SHISA9: variants seen among roughly 807,000 people sequenced by gnomAD.
SHISA9 encodes shisa family member 9.
In SHISA9, 13 loss-of-function variants were observed where a neutral mutation model predicts 38.0. That is an observed-to-expected ratio of 0.34 (90% CI 0.22 to 0.54). The LOEUF (loss-of-function observed/expected upper bound fraction) is 0.54, where lower values mean the gene tolerates loss of function less well. Among genes scored for constraint, SHISA9 ranks in the 20% least tolerant of loss-of-function variants. The probability of loss-of-function intolerance (pLI) is 0.91; values close to 1 mark genes in which losing one functional copy is unlikely to be tolerated. For synonymous variants in SHISA9, 275 were observed against 242.0 expected (o/e 1.14, Z -1.27); for missense variants, 538 against 575.8 (o/e 0.93, Z 0.67).
At chr16:13,021,265 T>C (rs2072850553) in intron 2 of SHISA9, among the ~76,000 whole-genome samples, 1 of 152,122 alleles carries the variant, frequency 6.6e-6, no homozygotes, top group Admixed American at 6.5e-5. Context: ...TGGCATCTAG[T>C]GAGTAAAGGC....
At chr16:13,161,807 T>A (rs2050597429) in intron 2 of SHISA9, among the ~76,000 whole-genome samples, 1 of 152,228 alleles carries the variant, frequency 6.6e-6, no homozygotes, top group African/African-American at 2.4e-5. Flanking sequence ...CCCTCGTTTT[T>A]TTTTCCTCTA....
At chr16:13,497,556 A>G in the SHISA9 span, among the ~76,000 whole-genome samples, 2 of 151,930 alleles carry the variant, frequency 1.3e-5, no homozygotes, top group African/African-American at 2.4e-5. Flanking sequence ...ATGGTGGCGC[A>G]TGCCTGTAGT....
chr16:13,384,312 G>A, the SHISA9 span, among the ~76,000 whole-genome samples: 3 of 152,200 alleles, frequency 2.0e-5, no homozygotes, highest in South Asian at 2.1e-4. Flanking sequence ...GGCAGTTAAT[G>A]TTGGGTGGTG....
At chr16:13,257,569 C>A in the SHISA9 span, among the ~76,000 whole-genome samples, 1 of 152,110 alleles carries the variant, frequency 6.6e-6, no homozygotes, top group East Asian at 1.9e-4. Context: ...TTTTGATCAC[C>A]CCCTTTTGTA....
chr16:13,275,069 G>C, the SHISA9 span, among the ~76,000 whole-genome samples: 2 of 152,118 alleles, frequency 1.3e-5, no homozygotes, highest in Non-Finnish European at 2.9e-5. Flanking sequence ...GAAGACATTT[G>C]AGTGCAGCTC....
At chr16:13,140,085 T>TTCC (rs2050386267) in intron 2 of SHISA9, among the ~76,000 whole-genome samples, 1 of 52,232 alleles carries the variant, frequency 1.9e-5, no homozygotes, top group African/African-American at 7.5e-5. Flanking sequence ...TTTCCTCTTC[T>TTCC]CTTCCCTTCC....
At chr16:13,112,780 G>T (rs976212251) in intron 2 of SHISA9, among the ~76,000 whole-genome samples, 2 of 152,088 alleles carry the variant, frequency 1.3e-5, no homozygotes, top group African/African-American at 4.8e-5. Flanking sequence ...GGCCCCTCTG[G>T]TTCATGGCTC....
the SHISA9 span, among the ~76,000 whole-genome samples, chr16:13,412,449 C>T: frequency 4.6e-5 from 7 of 152,230 alleles, no homozygotes; most frequent in East Asian, 3.9e-4. Context: ...CCCTTTCCTA[C>T]GTTCTTTCTC....
rs138273731 is a variant in SHISA9 at position 12,992,089 on chromosome 16, A to G, written c.691+75274A>G. ...AAATAAGTAATAGTATGGGAGATACATAGATATTTCATAATAACAACTATC... is the reference window on the plus strand; with the variant it reads ...AAATAAGTAATAGTATGGGAGATACGTAGATATTTCATAATAACAACTATC... On this transcript the variant is annotated intron_variant, in intron 2 of 4. Transcript: ENST00000558583. Among the ~76,000 whole-genome samples the G allele has an allele frequency of 6.2e-3, 950 of 152,328 alleles. 11 individuals carry two copies. Among genetic ancestry groups the G allele is most frequent in the African/African-American group, 0.022 (898 of 41,570 alleles).
At chr16:13,438,023 G>A in the SHISA9 span, among the ~76,000 whole-genome samples, 1 of 150,124 alleles carries the variant, frequency 6.7e-6, no homozygotes, top group Admixed American at 6.8e-5. Flanking sequence ...CCGCCACCAG[G>A]CCCAGCTAAT....
At chr16:13,257,643 G>A in the SHISA9 span, among the ~76,000 whole-genome samples, 17 of 152,278 alleles carry the variant, frequency 1.1e-4, no homozygotes, top group African/African-American at 4.1e-4. Flanking sequence ...AAATACCGTG[G>A]TTCTAAGAAA....
the SHISA9 span, among the ~76,000 whole-genome samples, chr16:13,444,568 TCTA>T: frequency 6.6e-6 from 1 of 152,178 alleles, no homozygotes; most frequent in African/African-American, 2.4e-5. Flanking sequence ...TCCAACTTTA[TCTA>T]CTAGTCTTGA....
At chr16:13,300,659 T>C in the SHISA9 span, among the ~76,000 whole-genome samples, 9 of 152,310 alleles carry the variant, frequency 5.9e-5, no homozygotes, top group East Asian at 1.9e-4. Flanking sequence ...GGAATTCTAT[T>C]TGGAATCAAT....
the SHISA9 span, among the ~76,000 whole-genome samples, chr16:13,433,418 G>A: frequency 1.3e-5 from 2 of 152,212 alleles, no homozygotes; most frequent in African/African-American, 4.8e-5. Context: ...AGTTAGTGCT[G>A]TGTGTGTTAG....
At position 13,238,815 on chromosome 16, in the gene SHISA9, T is replaced by TTTATTATTATTA. The variant is rs71147792; in HGVS notation, c.*3432_*3443dup. The TTTATTATTATTA allele has an allele frequency of 6.8e-4, 93 of 136,142 alleles. No homozygotes were observed. The highest frequency in any genetic ancestry group is 1.3e-3 in the Admixed American group (17 of 13,288). 8.4% of individuals were successfully genotyped at this position (136,142 alleles called of 1,614,324 possible). On this transcript the variant is annotated 3_prime_UTR_variant, in exon 5 of 5. Coordinates refer to ENST00000558583, the MANE Select transcript of SHISA9 (RefSeq NM_001145204.3). ...TTTTTTTTAATGTATCCATGGAGTATTTATTATTATTATTATTATTATTAT... is the reference window on the plus strand; with the variant it reads ...TTTTTTTTAATGTATCCATGGAGTATTTATTATTATTATTATTATTATTATTATTATTATTAT...
At chr16:13,266,859 T>G in the SHISA9 span, among the ~76,000 whole-genome samples, 1 of 152,278 alleles carries the variant, frequency 6.6e-6, no homozygotes, top group South Asian at 2.1e-4. Context: ...AAGGCAGGGA[T>G]TATTTAGTAC....
chr16:13,232,023 T>A (rs2051336200), intron 4 of SHISA9, among the ~76,000 whole-genome samples: 1 of 152,182 alleles, frequency 6.6e-6, no homozygotes, highest in Non-Finnish European at 1.5e-5. Flanking sequence ...AAAAGAAGCA[T>A]AGAGCCCTGT....
the SHISA9 span, among the ~76,000 whole-genome samples, chr16:13,429,188 T>G: frequency 6.6e-6 from 1 of 152,150 alleles, no homozygotes; most frequent in Non-Finnish European, 1.5e-5. Flanking sequence ...GATCTCAATT[T>G]TAGTAGTAAT....
the SHISA9 span, among the ~76,000 whole-genome samples, chr16:13,370,737 T>C: frequency 1.3e-5 from 2 of 152,184 alleles, no homozygotes; most frequent in Non-Finnish European, 2.9e-5. Flanking sequence ...TGAAAAGCTC[T>C]AAACTACCCT....
Sources: gnomAD v4.1 joint callset for allele counts (sites outside exome capture counted in the v4.1 genomes callset) on GRCh38, gnomAD v4.1.1 for gene constraint, MANE v1.5 for transcripts, NCBI Gene and HGNC (gene_info 2026-07-23, HGNC 2026-07-21) for gene names.